The following LEMD3 variants were observed in gnomAD, a reference collection of about 807,000 sequenced individuals.
LEMD3 encodes the protein inner nuclear membrane protein Man1.
LEMD3 carries 33 observed loss-of-function variants against 95.2 expected under a neutral mutation model. That is an observed-to-expected ratio of 0.35 (90% CI 0.26 to 0.46). The LOEUF is 0.46. Ranked by LOEUF, LEMD3 falls within the 20% of genes least tolerant of loss-of-function variation. The pLI is 1.00. For missense variants in LEMD3, 1,210 were observed against 1,192.8 expected (o/e 1.01, Z -0.21); for synonymous variants, 525 against 474.6 (o/e 1.11, Z -1.38).
At chr12:65,177,550 C>A (rs148550234) in intron 1 of LEMD3, among the ~76,000 whole-genome samples, 23 of 151,998 alleles carry the variant, frequency 1.5e-4, no homozygotes, top group East Asian at 1.9e-4. Flanking sequence ...GTGAAAAATT[C>A]TTGTAGGCTC....
At chr12:65,206,175 G>C (rs1233982238) in intron 1 of LEMD3, among the ~76,000 whole-genome samples, 1 of 152,108 alleles carries the variant, frequency 6.6e-6, no homozygotes, top group Non-Finnish European at 1.5e-5. Context: ...AAATTATGCT[G>C]TGCTTAGACC....
At chr12:65,242,933 G>C (rs566725149) in intron 9 of LEMD3, among the ~76,000 whole-genome samples, 4 of 151,990 alleles carry the variant, frequency 2.6e-5, no homozygotes, top group Non-Finnish European at 5.9e-5. Context: ...ATCTTCTGTA[G>C]GTTTATCTCT....
rs759674593 is a variant in LEMD3, at chr12:65,169,614, T to C, written c.18T>C (p.Ala6=). ...GAGAGAAAATGGCGGCGGCAGCAGCTTCGGCGCCTCAGCAGCTCTCGGATG... is the reference window on the plus strand; with the variant it reads ...GAGAGAAAATGGCGGCGGCAGCAGCCTCGGCGCCTCAGCAGCTCTCGGATG... MAAAA[A]SAPQQLSDEE... The change falls in exon 1 of 13, where the codon GCT becomes GCC. Residue 6 remains alanine (A), a synonymous_variant. Transcript: ENST00000308330. 3 of 1,587,940 alleles carry C rather than the reference T, an allele frequency of 1.9e-6. No individual in the cohort carries two copies. The highest frequency in any genetic ancestry group is 1.7e-6 in the Non-Finnish European group (2 of 1,169,386).
intron 2 of LEMD3, among the ~76,000 whole-genome samples, chr12:65,211,477 C>T (rs1387738520): frequency 1.3e-5 from 2 of 152,082 alleles, no homozygotes; most frequent in African/African-American, 4.8e-5. Context: ...CTAATTTTAA[C>T]CTAAATTTTA....
rs116151888 is a variant in LEMD3 at position 65,209,727 on chromosome 12, C to G, written c.1523-1199C>G. 1.2e-3 allele frequency among the ~76,000 whole-genome samples: 181 copies of G among 152,142 alleles called. 2 individuals carry two copies. Among genetic ancestry groups the G allele is most frequent in the African/African-American group, 4.3e-3 (177 of 41,514 alleles). On this transcript the variant is annotated intron_variant, in intron 1 of 12. Transcript: ENST00000308330. ...TCGTTTAAAAATCCATTAGCAAAAT[C>G]CCTTATGATGATAACAGGATACATT...
intron 1 of LEMD3, among the ~76,000 whole-genome samples, chr12:65,175,908 CAG>C (rs1179938203): frequency 6.6e-6 from 1 of 152,182 alleles, no homozygotes; most frequent in Non-Finnish European, 1.5e-5. Flanking sequence ...TCCACCCAGA[CAG>C]AGCTCAAGAG....
chr12:65,186,544 T>C (rs992376986), intron 1 of LEMD3, among the ~76,000 whole-genome samples: 2 of 151,850 alleles, frequency 1.3e-5, no homozygotes, highest in Non-Finnish European at 2.9e-5. Context: ...GGAGAGTCTT[T>C]TCCTGAGTTT....
chr12:65,245,398 CAA>C, intron 10 of LEMD3: 1 of 383,590 alleles, frequency 2.6e-6, no homozygotes, highest in Non-Finnish European at 4.8e-6. Context: ...CTCGGCCTCT[CAA>C]AGTGCTGGGA....
chr12:65,222,028 C>A (rs1449137786), intron 4 of LEMD3, among the ~76,000 whole-genome samples: 3 of 152,082 alleles, frequency 2.0e-5, no homozygotes, highest in Non-Finnish European at 2.9e-5. Flanking sequence ...TAAGTGTGAG[C>A]CACCATGCCT....
At chr12:65,211,995 A>G in intron 2 of LEMD3, among the ~76,000 whole-genome samples, 1 of 152,194 alleles carries the variant, frequency 6.6e-6, no homozygotes. Context: ...TCATGCTGCT[A>G]ATAAAGACAT....
chr12:65,239,086 T>C (rs774551198), intron 6 of LEMD3, among the ~76,000 whole-genome samples: 69 of 152,134 alleles, frequency 4.5e-4, no homozygotes, highest in African/African-American at 1.6e-3. Context: ...CTTTAGAAAG[T>C]AGAATTGAAA....
chr12:65,199,816 A>G (rs1319105004), intron 1 of LEMD3, among the ~76,000 whole-genome samples: 2 of 152,042 alleles, frequency 1.3e-5, no homozygotes, highest in East Asian at 3.9e-4. Context: ...TCATGTGGGA[A>G]GATTATGTTT....
intron 1 of LEMD3, among the ~76,000 whole-genome samples, chr12:65,184,808 G>T (rs909779526): frequency 1.3e-5 from 2 of 152,096 alleles, no homozygotes; most frequent in Non-Finnish European, 2.9e-5. Context: ...CAAGTTTATA[G>T]GGCAGGGAGA....
At chr12:65,197,421 G>T (rs1311313475) in intron 1 of LEMD3, among the ~76,000 whole-genome samples, 1 of 152,138 alleles carries the variant, frequency 6.6e-6, no homozygotes, top group Admixed American at 6.6e-5. Flanking sequence ...TATGACTACA[G>T]TATATGCTGA....
intron 4 of LEMD3, among the ~76,000 whole-genome samples, chr12:65,221,828 C>T (rs996202272): frequency 2.0e-5 from 3 of 150,520 alleles, no homozygotes; most frequent in Admixed American, 2.0e-4. Context: ...ACAACCTCCA[C>T]CTCCTGGGCT....
intron 1 of LEMD3, among the ~76,000 whole-genome samples, chr12:65,189,082 C>T (rs1054732923): frequency 6.6e-6 from 1 of 152,228 alleles, no homozygotes; most frequent in South Asian, 2.1e-4. Context: ...ATAAATTAGG[C>T]ACAGTTAAGA....
intron 1 of LEMD3, among the ~76,000 whole-genome samples, chr12:65,192,406 G>A (rs1869272646): frequency 6.6e-6 from 1 of 152,072 alleles, no homozygotes; most frequent in South Asian, 2.1e-4. Context: ...ACCTGTATAG[G>A]TTTTGCCTGT....
chr12:65,175,555 C>G (rs1868693670), intron 1 of LEMD3, among the ~76,000 whole-genome samples: 1 of 152,154 alleles, frequency 6.6e-6, no homozygotes. Flanking sequence ...GCATTGACAA[C>G]TCCCTTCTTC....
chr12:65,186,233 A>T (rs147863040), intron 1 of LEMD3, among the ~76,000 whole-genome samples: 105 of 151,770 alleles, frequency 6.9e-4, no homozygotes, highest in African/African-American at 2.5e-3. Context: ...TTTCTTTTAC[A>T]TTTTGCCCGT....
Sources: allele counts gnomAD v4.1 joint callset (sites outside exome capture counted in the v4.1 genomes callset), GRCh38; gene constraint gnomAD v4.1.1; transcripts MANE v1.5; gene names NCBI Gene and HGNC (gene_info 2026-07-23, HGNC 2026-07-21).